Variants in PDSS2 observed in about 807,000 individuals in gnomAD.
PDSS2 encodes decaprenyl diphosphate synthase subunit 2.
In PDSS2, 31 loss-of-function variants were observed where a neutral mutation model predicts 44.5. The ratio of observed to expected loss-of-function variants is 0.70; its 90% CI spans 0.52 to 0.94. The LOEUF is 0.94. Among genes scored for constraint, PDSS2 ranks in the 40% least tolerant of loss-of-function variants. PDSS2 has a pLI of 0.00. For synonymous variants in PDSS2, 157 were observed against 180.3 expected, an observed-to-expected ratio of 0.87 and a Z score of 1.03; for missense variants, 452 against 482.2, an observed-to-expected ratio of 0.94 and a Z score of 0.59.
Position 107,241,116 on chromosome 6 carries a change from G to A in PDSS2, c.702+4432C>T, listed in dbSNP as rs1293900668. ...ATACAAAAATTAGTGAGACGTGGTG[G>A]TGTGTGCCTGTAGTCCCAACTACTT... is the stretch of plus-strand genomic sequence containing the variant. On this transcript the variant is annotated intron_variant, in intron 4 of 7. Coordinates refer to ENST00000369037, the MANE Select transcript of PDSS2 (RefSeq NM_020381.4). 2.0e-5 allele frequency among the ~76,000 whole-genome samples: 3 copies of A among 151,706 alleles called. 1 individual carries two copies. Among genetic ancestry groups the A allele is most frequent in the Non-Finnish European group, 4.4e-5 (3 of 67,954 alleles).
intron 2 of PDSS2, among the ~76,000 whole-genome samples, chr6:107,280,643 C>T (rs72939828): frequency 3.9e-5 from 6 of 152,074 alleles, no homozygotes; most frequent in African/African-American, 9.7e-5. Flanking sequence ...CCTGTGTTTG[C>T]GCCACTGCAC....
intron 1 of PDSS2, among the ~76,000 whole-genome samples, chr6:107,339,731 AG>A (rs1367896053): frequency 6.6e-6 from 1 of 151,972 alleles, no homozygotes; most frequent in African/African-American, 2.4e-5. Context: ...GAAACAGGTA[AG>A]GGGGGTATAT....
At chr6:107,237,851 G>A (rs560296571) in intron 4 of PDSS2, among the ~76,000 whole-genome samples, 4 of 143,246 alleles carry the variant, frequency 2.8e-5, no homozygotes, top group South Asian at 2.2e-4. Context: ...AGCCAAGATC[G>A]CACCACTGTA....
At chr6:107,166,899 T>C (rs1345128772) in intron 7 of PDSS2, among the ~76,000 whole-genome samples, 1 of 152,222 alleles carries the variant, frequency 6.6e-6, no homozygotes, top group African/African-American at 2.4e-5. Flanking sequence ...TTGAGGATTT[T>C]TGCATCAATG....
intron 7 of PDSS2, among the ~76,000 whole-genome samples, chr6:107,162,216 G>A (rs551801052): frequency 4.6e-5 from 7 of 152,092 alleles, no homozygotes; most frequent in Middle Eastern, 3.4e-3. Flanking sequence ...GAGAATTCCC[G>A]GCCGGGCGCA....
chr6:107,242,536 G>C (rs893023723), intron 4 of PDSS2, among the ~76,000 whole-genome samples: 1 of 150,556 alleles, frequency 6.6e-6, no homozygotes, highest in Non-Finnish European at 1.5e-5. Flanking sequence ...GAGCCACCAC[G>C]CCTGGCCAAA....
At chr6:107,197,438 T>C (rs1026654690) in intron 6 of PDSS2, among the ~76,000 whole-genome samples, 7 of 131,952 alleles carry the variant, frequency 5.3e-5, no homozygotes, top group Non-Finnish European at 1.1e-4. Flanking sequence ...CCTGTGAATA[T>C]CACTTCACTC....
At position 107,418,724 on chromosome 6, in the gene PDSS2, G is replaced by A. The variant is rs1183886400; in HGVS notation, c.296+40266C>T. Among the ~76,000 whole-genome samples the A allele has an allele frequency of 4.6e-5, 7 of 152,092 alleles. No homozygotes were observed. The South Asian group carries it at 6.2e-4, about 14-fold the overall frequency. Reference sequence around the variant, plus strand: ...TGGGAGGAGGTGGCTGCAGTGAGCCGAGATTGCGCCACTGCACTCCAACCT... The same window carrying A: ...TGGGAGGAGGTGGCTGCAGTGAGCCAAGATTGCGCCACTGCACTCCAACCT... On this transcript the variant is annotated intron_variant, in intron 1 of 7. Transcript: ENST00000369037.
At chr6:107,266,511 A>G (rs1490934861) in intron 3 of PDSS2, among the ~76,000 whole-genome samples, 2 of 152,124 alleles carry the variant, frequency 1.3e-5, no homozygotes, top group African/African-American at 4.8e-5. Flanking sequence ...TCAATTCAAC[A>G]TACAACTATC....
intron 6 of PDSS2, among the ~76,000 whole-genome samples, chr6:107,203,537 G>A (rs928379436): frequency 4.0e-5 from 6 of 151,878 alleles, no homozygotes; most frequent in East Asian, 1.9e-4. Context: ...TACCTCCCTC[G>A]CAGCTCAGAC....
chr6:107,336,209 C>G (rs73511200), intron 1 of PDSS2, among the ~76,000 whole-genome samples: 1,609 of 146,960 alleles, frequency 0.011, 36 homozygotes, highest in African/African-American at 0.039. Context: ...GAATTGAGAT[C>G]GAGCCACTGC....
chr6:107,260,416 T>G (rs1050205236), intron 3 of PDSS2, among the ~76,000 whole-genome samples: 1 of 152,212 alleles, frequency 6.6e-6, no homozygotes, highest in Non-Finnish European at 1.5e-5. Context: ...TACATTAACA[T>G]GACTGAGCTA....
chr6:107,377,275 C>T (rs929887892), intron 1 of PDSS2, among the ~76,000 whole-genome samples: 3 of 152,152 alleles, frequency 2.0e-5, no homozygotes, highest in Admixed American at 2.0e-4. Context: ...GCAGCCAAAA[C>T]ACACATGAAA....
intron 3 of PDSS2, among the ~76,000 whole-genome samples, chr6:107,247,904 A>C (rs1262938414): frequency 6.6e-6 from 1 of 150,524 alleles, no homozygotes; most frequent in Non-Finnish European, 1.5e-5. Context: ...CTGTAATCCC[A>C]ATTACTCCGG....
In PDSS2 at chr6:107,355,033, A is replaced by G. The variant is rs181235990; in HGVS notation, c.297-20701T>C. Reference sequence around the variant, plus strand: ...CTGCAACCTCCGCCTCCTGGGTTCAAGCAATTCTCCTGCCTCAGCCTCCCC... The same window carrying G: ...CTGCAACCTCCGCCTCCTGGGTTCAGGCAATTCTCCTGCCTCAGCCTCCCC... On this transcript the variant is annotated intron_variant, in intron 1 of 7. Coordinates refer to ENST00000369037, the MANE Select transcript of PDSS2 (RefSeq NM_020381.4). Among the ~76,000 whole-genome samples, 41 of 152,110 alleles carry G rather than the reference A, an allele frequency of 2.7e-4. No homozygotes were observed. The East Asian group carries it at 7.1e-3, about 27-fold the overall frequency.
intron 3 of PDSS2, among the ~76,000 whole-genome samples, chr6:107,250,182 C>CG (rs1774766613): frequency 9.3e-6 from 1 of 107,356 alleles, no homozygotes; most frequent in South Asian, 3.4e-4. Flanking sequence ...AAATACTGAC[C>CG]CCCCCCCGCA....
intron 6 of PDSS2, among the ~76,000 whole-genome samples, chr6:107,202,093 C>A (rs1265414035): frequency 6.6e-6 from 1 of 152,188 alleles, no homozygotes. Flanking sequence ...GGCTAGAGTG[C>A]AGTGGCACAA....
chr6:107,376,226 G>T (rs1000825873), intron 1 of PDSS2, among the ~76,000 whole-genome samples: 8 of 152,050 alleles, frequency 5.3e-5, no homozygotes, highest in African/African-American at 1.4e-4. Flanking sequence ...TTTGGCTTAG[G>T]ATTGACTTGG....
intron 1 of PDSS2, among the ~76,000 whole-genome samples, chr6:107,360,751 C>T (rs933683890): frequency 6.6e-6 from 1 of 152,196 alleles, no homozygotes; most frequent in African/African-American, 2.4e-5. Flanking sequence ...TGTGTTTTCA[C>T]AAAGGGATGC....
Sources: gnomAD v4.1 joint callset for allele counts (sites outside exome capture counted in the v4.1 genomes callset) on GRCh38, gnomAD v4.1.1 for gene constraint, MANE v1.5 for transcripts, NCBI Gene and HGNC (gene_info 2026-07-23, HGNC 2026-07-21) for gene names.